ME3: variants seen among roughly 807,000 people sequenced by gnomAD.
ME3 encodes the protein malic enzyme 3, also known as NADP-dependent malic enzyme, mitochondrial.
ME3 carries 48 observed loss-of-function variants against 68.9 expected under a neutral mutation model. That is an observed-to-expected ratio of 0.70 (90% confidence interval 0.55 to 0.89). The LOEUF is 0.89. ME3 is among the 40% of genes least tolerant of loss of function. The pLI is 0.00. For missense variants in ME3, 675 were observed against 797.4 expected, an observed-to-expected ratio of 0.85 and a Z score of 1.85; for synonymous variants, 320 against 318.8, an observed-to-expected ratio of 1.00 and a Z score of -0.04.
intron 2 of ME3, among the ~76,000 whole-genome samples, chr11:86,630,967 C>T (rs1164740830): frequency 1.3e-5 from 2 of 152,068 alleles, no homozygotes; most frequent in Non-Finnish European, 2.9e-5. Flanking sequence ...GTCTCATTTC[C>T]GATGGAGGCG....
At chr11:86,613,575 A>G (rs1054537964) in intron 2 of ME3, among the ~76,000 whole-genome samples, 9 of 152,158 alleles carry the variant, frequency 5.9e-5, no homozygotes, top group Non-Finnish European at 1.0e-4. Context: ...AAACCCCATC[A>G]TCTCCGCCCC....
intron 4 of ME3, among the ~76,000 whole-genome samples, chr11:86,520,029 T>C (rs1954158813): frequency 6.6e-6 from 1 of 152,322 alleles, no homozygotes. Context: ...TTTTGATTAT[T>C]TGAACCCACT....
chr11:86,636,267 T>C (rs1594744413), intron 2 of ME3, among the ~76,000 whole-genome samples: 1 of 150,866 alleles, frequency 6.6e-6, no homozygotes, highest in East Asian at 1.9e-4. Context: ...TTCTTTCTTT[T>C]TTTTTTTGTT....
At chr11:86,557,680 T>C (rs1957001790) in intron 3 of ME3, among the ~76,000 whole-genome samples, 1 of 152,090 alleles carries the variant, frequency 6.6e-6, no homozygotes, top group Non-Finnish European at 1.5e-5. Flanking sequence ...AAAACTGTGC[T>C]CTGGAAGGTG....
At chr11:86,481,996 C>T (rs1951436421) in intron 7 of ME3, among the ~76,000 whole-genome samples, 1 of 152,190 alleles carries the variant, frequency 6.6e-6, no homozygotes, top group Non-Finnish European at 1.5e-5. Flanking sequence ...ACCCTCCTTG[C>T]CATTCTTACC....
chr11:86,538,610 C>A (rs1303641518), intron 4 of ME3, among the ~76,000 whole-genome samples: 1 of 152,148 alleles, frequency 6.6e-6, no homozygotes, highest in African/African-American at 2.4e-5. Context: ...TCTTTCTTGG[C>A]CTCTTGGATT....
chr11:86,545,515 A>C (rs947526342), intron 4 of ME3, among the ~76,000 whole-genome samples: 1 of 152,246 alleles, frequency 6.6e-6, no homozygotes, highest in Non-Finnish European at 1.5e-5. Context: ...GCATTGCTAT[A>C]TACCAATAAT....
In ME3 at chr11:86,447,223, G is replaced by A. The variant is rs754831436; in HGVS notation, c.1238-16C>T. The A allele has an allele frequency of 1.3e-5, 21 of 1,612,858 alleles. No homozygotes were observed. Among genetic ancestry groups the A allele is most frequent in the South Asian group, 6.6e-5 (6 of 90,870 alleles). ...GCAGCAACACCTACAGGGAAAAGGC[G>A]GGTAGTGGGGATGCCTGCTCTCTAT... On this transcript the variant is annotated splice_polypyrimidine_tract_variant and intron_variant, in intron 11 of 14. Coordinates refer to ENST00000543262, the Ensembl canonical transcript of ME3.
chr11:86,570,245 A>G (rs1957712940), intron 2 of ME3, among the ~76,000 whole-genome samples: 1 of 152,168 alleles, frequency 6.6e-6, no homozygotes, highest in East Asian at 1.9e-4. Flanking sequence ...TCCTCCATCA[A>G]TCAACCGTGG....
chr11:86,600,631 C>G (rs936780511), intron 2 of ME3, among the ~76,000 whole-genome samples: 3 of 151,732 alleles, frequency 2.0e-5, no homozygotes, highest in African/African-American at 7.3e-5. Flanking sequence ...CTCTCCACCC[C>G]AAATCAACAG....
At chr11:86,529,692 G>A (rs1440732694) in intron 4 of ME3, among the ~76,000 whole-genome samples, 1 of 152,170 alleles carries the variant, frequency 6.6e-6, no homozygotes, top group Admixed American at 6.5e-5. Flanking sequence ...GGGATGCAAG[G>A]CTGGTTCAAC....
At chr11:86,576,548 G>T (rs1958126937) in intron 2 of ME3, among the ~76,000 whole-genome samples, 1 of 152,186 alleles carries the variant, frequency 6.6e-6, no homozygotes, top group Admixed American at 6.5e-5. Flanking sequence ...CAAGCTCAGG[G>T]CAGATCAGCT....
intron 6 of ME3, among the ~76,000 whole-genome samples, chr11:86,495,134 G>T (rs1209554194): frequency 6.6e-6 from 1 of 152,180 alleles, no homozygotes; most frequent in Non-Finnish European, 1.5e-5. Context: ...CACAAACTTG[G>T]ATTCGGCTCC....
intron 2 of ME3, among the ~76,000 whole-genome samples, chr11:86,572,487 A>C (rs1957855628): frequency 6.6e-6 from 1 of 152,000 alleles, no homozygotes; most frequent in East Asian, 1.9e-4. Flanking sequence ...CCTTGTGTCC[A>C]TGTGTCCGTT....
chr11:86,502,821 C>T (rs1054669640), intron 5 of ME3, among the ~76,000 whole-genome samples: 2 of 152,132 alleles, frequency 1.3e-5, no homozygotes. Flanking sequence ...TGCCTCAGAC[C>T]TAAGGCCTTT....
At chr11:86,530,200 C>A (rs893854802) in intron 4 of ME3, among the ~76,000 whole-genome samples, 30 of 152,132 alleles carry the variant, frequency 2.0e-4, no homozygotes, top group Non-Finnish European at 3.8e-4. Flanking sequence ...CATTCTTATA[C>A]ACCAATAACA....
intron 4 of ME3, among the ~76,000 whole-genome samples, chr11:86,528,935 C>T (rs1477064649): frequency 6.6e-6 from 1 of 152,022 alleles, no homozygotes; most frequent in East Asian, 1.9e-4. Context: ...CCTAACATCA[C>T]AATTAAAAGA....
intron 4 of ME3, among the ~76,000 whole-genome samples, chr11:86,524,623 C>G (rs1005359444): frequency 7.9e-5 from 12 of 152,122 alleles, no homozygotes; most frequent in Admixed American, 2.0e-4. Context: ...AGTGGAAGAC[C>G]CCACCCACTT....
At chr11:86,462,533 G>T (rs916702705) in intron 8 of ME3, 3 of 1,211,192 alleles carry the variant, frequency 2.5e-6, no homozygotes, top group Non-Finnish European at 3.2e-6. Flanking sequence ...CAGAGAGGCT[G>T]CAGGGGCAGG....
Sources: gnomAD v4.1 joint callset for allele counts (sites outside exome capture counted in the v4.1 genomes callset) on GRCh38, gnomAD v4.1.1 for gene constraint, MANE v1.5 for transcripts, NCBI Gene and HGNC (gene_info 2026-07-23, HGNC 2026-07-21) for gene names.